RTEL1: variants seen among roughly 807,000 people sequenced by gnomAD.
RTEL1 encodes regulator of telomere elongation helicase 1.
Under a neutral mutation model 162.2 loss-of-function variants are expected in RTEL1, and 86 were observed. The ratio of observed to expected loss-of-function variants is 0.53; its 90% CI spans 0.45 to 0.63. The LOEUF is 0.63. RTEL1 is among the 30% of genes least tolerant of loss of function. RTEL1 has a pLI of 0.00. For missense variants in RTEL1, 1,941 were observed against 1,750.2 expected (o/e 1.11, Z -1.95); for synonymous variants, 958 against 717.9 (o/e 1.33, Z -5.35).
In RTEL1 at chr20:63,685,702, G is replaced by A. The variant is rs369758966; in HGVS notation, c.1267-89G>A. 402 of 1,582,430 alleles carry A rather than the reference G, an allele frequency of 2.5e-4. 2 individuals are homozygous for A. The East Asian group carries it at 8.6e-3, about 34-fold the overall frequency. The stretch of plus-strand genomic sequence containing the variant: ...TGGGGGCCACCTCCAGGAGGCAGGT[G>A]GGGCTGGGGGTCTTCTGGTCCTAAA... On this transcript the variant is annotated intron_variant, in intron 15 of 34. Coordinates refer to ENST00000360203, the MANE Select transcript of RTEL1 (RefSeq NM_001283009.2).
intron 7 of RTEL1, among the ~76,000 whole-genome samples, chr20:63,667,124 C>T (rs554112000): frequency 6.6e-6 from 1 of 152,176 alleles, no homozygotes; most frequent in South Asian, 2.1e-4. Flanking sequence ...CAGGAGTGAG[C>T]CACCGCGCCC....
Position 63,694,936 on chromosome 20 carries a change from T to G in RTEL1, c.3305T>G (p.Leu1102Arg). Residue 1102 changes from leucine to arginine, a missense_variant, in exon 32 of 35, where the codon CTG becomes CGG. By Grantham distance (102) the Leu-to-Arg change is moderately radical. Coordinates refer to ENST00000360203, the MANE Select transcript of RTEL1 (RefSeq NM_001283009.2). ...AAGGTGCTGGCTGTGTTGGCCGCCC[T>G]GACCACTGCAAAGCCAGAGGACTTC... ...LDKVLAVLAALTTAKPEDFPL... is the reference protein window; with the variant it reads ...LDKVLAVLAARTTAKPEDFPL... The G allele has an allele frequency of 6.2e-7, 1 of 1,612,560 alleles. No homozygotes were observed. Among genetic ancestry groups the G allele is most frequent in the Non-Finnish European group, 8.5e-7 (1 of 1,179,858 alleles).
intron 14 of RTEL1, 150 bp from the exon 15 acceptor site, chr20:63,685,373 C>T (rs2090569197): frequency 3.9e-6 from 3 of 766,526 alleles, no homozygotes; most frequent in African/African-American, 1.8e-5. Flanking sequence ...GGTGCCAGCT[C>T]CTGTCCATTG....
At chr20:63,681,268 C>T in intron 14 of RTEL1, 1 of 985,436 alleles carries the variant, frequency 1.0e-6, no homozygotes, top group Non-Finnish European at 1.2e-6. Flanking sequence ...ATGGCAGCAC[C>T]TGCTTTCCCT....
chr20:63,665,965 C>T, intron 6 of RTEL1, 39 bp from the exon 7 acceptor site: 1 of 1,597,220 alleles, frequency 6.3e-7, no homozygotes, highest in African/African-American at 1.3e-5. Flanking sequence ...ACTTAGTGGA[C>T]CCTGAGGGTG....
chr20:63,685,844 C>G lies in RTEL1; in HGVS notation c.1320C>G (p.Ala440=). The G allele has an allele frequency of 6.2e-7, 1 of 1,612,670 alleles. No homozygotes were observed. Among genetic ancestry groups the G allele is most frequent in the Non-Finnish European group, 8.5e-7 (1 of 1,179,926 alleles). Residue 440 remains alanine, a synonymous_variant, in exon 16 of 35, where the codon GCC becomes GCG. Transcript: ENST00000360203. ...GHRRTAQRSD[A]WSTTAARKRG... is the part of the protein sequence containing the mutation. ...GGAGGACGGCTCAGCGGTCTGATGC[C>G]TGGAGCACCACTGCAGCCAGAAAGC... is the stretch of plus-strand genomic sequence containing the variant.
chr20:63,694,405 C>T lies in RTEL1; in HGVS notation c.3026C>T (p.Ser1009Phe), dbSNP rs1026729377. The T allele has an allele frequency of 2.4e-5, 39 of 1,611,970 alleles. No individual in the cohort carries two copies. Among genetic ancestry groups the T allele is most frequent in the Non-Finnish European group, 3.2e-5 (38 of 1,179,552 alleles). ...GCGCCGGATCCCAAGCTGACCGTGT[C>T]CACGGCTGCAGCCCAGCAGCTGGAC... Reference protein sequence around the residue: ...RTAPDPKLTVSTAAAQQLDPQ... With the variant: ...RTAPDPKLTVFTAAAQQLDPQ... The change falls in exon 31 of 35, where the codon TCC becomes TTC. Residue 1009 changes from serine (S) to phenylalanine (F), a missense_variant. Transcript: ENST00000360203.
chr20:63,681,158 GAGCCCAT>G (rs1203781938), intron 14 of RTEL1: 1 of 985,260 alleles, frequency 1.0e-6, no homozygotes, highest in East Asian at 1.1e-4. Context: ...GTGTCCCTGG[GAGCCCAT>G]GATTGGGGGT....
At position 63,694,764 on chromosome 20, in the gene RTEL1, T is replaced by TG; in HGVS notation, c.3138dup (p.Ser1047ValfsTer20). On this transcript the variant is annotated frameshift_variant, in exon 32 of 35. Transcript: ENST00000360203. LOFTEE classifies it high-confidence loss of function. ...AGGAGACCCTGGCAGCCAACCACAG[T>TG]GGGGGTCTGGAGTGCCCAGAGCAGG... is the stretch of plus-strand genomic sequence containing the variant. The TG allele has an allele frequency of 6.2e-7, 1 of 1,607,570 alleles. No homozygotes were observed. The highest frequency in any genetic ancestry group is 8.5e-7 in the Non-Finnish European group (1 of 1,176,902).
At position 63,672,539 on chromosome 20, in the gene RTEL1, T is replaced by C; in HGVS notation, c.700-17T>C. The C allele has an allele frequency of 6.4e-7, 1 of 1,566,828 alleles. No individual in the cohort carries two copies. Among genetic ancestry groups the C allele is most frequent in the Non-Finnish European group, 8.7e-7 (1 of 1,153,200 alleles). On this transcript the variant is annotated splice_polypyrimidine_tract_variant and intron_variant, in intron 8 of 34. Transcript: ENST00000360203. ...TCTGTGAGCTCCAGCGCTGCGTCCC[T>C]TCTCTTCCTCCTGTAGAGCCGCAGA...
At chr20:63,674,766 A>C (rs2090315511) in intron 10 of RTEL1, among the ~76,000 whole-genome samples, 1 of 152,108 alleles carries the variant, frequency 6.6e-6, no homozygotes, top group African/African-American at 2.4e-5. Context: ...ATGACCCACA[A>C]ATCTGGCATG....
chr20:63,690,580 C>G, intron 26 of RTEL1, 139 bp downstream of exon 26: 29 of 1,238,986 alleles, frequency 2.3e-5, no homozygotes, highest in Middle Eastern at 5.6e-4. Flanking sequence ...GGCTGCCTCT[C>G]CCTCCTAGGG....
At chr20:63,667,644 G>T (rs994359388) in intron 8 of RTEL1, 91 bp downstream of exon 8, 3 of 1,060,714 alleles carry the variant, frequency 2.8e-6, no homozygotes, top group South Asian at 1.3e-5. Flanking sequence ...CTGCTTCAGG[G>T]CCTTAGATCA....
chr20:63,661,403 C>G lies in RTEL1; in HGVS notation c.208C>G (p.Arg70Gly). Residue 70 changes from arginine to glycine, a missense_variant, in exon 3 of 35, where the codon CGC becomes GGC. Transcript: ENST00000360203. The surrounding 1 kb of genome is among the most constrained non-coding windows in gnomAD (Gnocchi z 5.1). ...REHLRDGISA[R>G]KIAERAQGEL... ...ACACCTCCGAGACGGCATCTCTGCC[C>G]GCAAGATTGCCGAGAGGGCGCAAGG... 2 of 1,613,952 alleles carry G rather than the reference C, an allele frequency of 1.2e-6. No individual in the cohort carries two copies.
chr20:63,693,363 G>C (rs2090816268), intron 30 of RTEL1, 80 bp downstream of exon 30: 1 of 1,548,982 alleles, frequency 6.5e-7, no homozygotes, highest in Non-Finnish European at 8.8e-7. Flanking sequence ...GCTTGGGGTG[G>C]GCATCCTCGG....
intron 26 of RTEL1, 34 bp from the exon 27 acceptor site, chr20:63,690,771 G>A (rs755864555): frequency 3.2e-6 from 5 of 1,572,958 alleles, no homozygotes; most frequent in South Asian, 2.3e-5. Context: ...GGGGCCCCCC[G>A]TGGGCTTCAC....
rs1022780167 is a variant in RTEL1 at position 63,667,330 on chromosome 20, C to T, written c.615-139C>T. 6 of 720,084 alleles carry T rather than the reference C, an allele frequency of 8.3e-6. 1 individual carries two copies. The highest frequency in any genetic ancestry group is 7.6e-5 in the South Asian group (5 of 65,994). The allele number at this position is 720,084 out of a possible 1,614,324, so 44.6% of individuals were successfully genotyped here. ...TTGGTCAGAAACTCACGTGGACTCC[C>T]ATCCATCCCAGGCAGCAGCTTCCCA... On this transcript the variant is annotated intron_variant, in intron 7 of 34. Transcript: ENST00000360203.
rs1210520563 is a variant in RTEL1 at position 63,685,704 on chromosome 20, G to A, written c.1267-87G>A. On this transcript the variant is annotated intron_variant, in intron 15 of 34. Transcript: ENST00000360203. ...GGGGCCACCTCCAGGAGGCAGGTGGGGCTGGGGGTCTTCTGGTCCTAAAAG... is the reference window on the plus strand; with the variant it reads ...GGGGCCACCTCCAGGAGGCAGGTGGAGCTGGGGGTCTTCTGGTCCTAAAAG... 23 of 1,582,460 alleles carry A rather than the reference G, an allele frequency of 1.5e-5. 1 individual carries two copies. The highest frequency in any genetic ancestry group is 1.4e-4 in the South Asian group (12 of 87,932).
Position 63,693,426 on chromosome 20 carries a change from ACCT to A in RTEL1, c.2992+146_2992+148del, listed in dbSNP as rs1364519836. The A allele has an allele frequency of 1.3e-5, 12 of 908,430 alleles. No individual in the cohort carries two copies. In the East Asian group the frequency reaches 2.9e-4, roughly 22 times the overall value. 56.3% of individuals were successfully genotyped at this position (908,430 alleles called of 1,614,324 possible). ...CCCTATGGGAGTGATGGGGGCCTCC[ACCT>A]CCACCACCAGCACCAGCAGCACCAC... On this transcript the variant is annotated intron_variant, in intron 30 of 34. Coordinates refer to ENST00000360203, the MANE Select transcript of RTEL1 (RefSeq NM_001283009.2).
Sources: allele counts gnomAD v4.1 joint callset (sites outside exome capture counted in the v4.1 genomes callset), GRCh38; gene constraint gnomAD v4.1.1; non-coding constraint Gnocchi (gnomAD v3.1); transcripts MANE v1.5; gene names NCBI Gene and HGNC (gene_info 2026-07-23, HGNC 2026-07-21).